The following CSMD3 variants were observed in gnomAD, a reference collection of about 807,000 sequenced individuals.
The protein encoded by CSMD3 is CUB and sushi domain-containing protein 3.
A neutral mutation model predicts 435.2 loss-of-function variants in CSMD3; 177 were observed. The observed-to-expected ratio is 0.41, with a 90% CI of 0.36 to 0.46. CSMD3 has a LOEUF of 0.46. Among genes scored for constraint, CSMD3 ranks in the 20% least tolerant of loss-of-function variants. CSMD3 has a pLI of 0.34. For synonymous variants in CSMD3, 1,656 were observed against 1,520.5 expected, an observed-to-expected ratio of 1.09 and a Z score of -2.07; for missense variants, 4,265 against 4,504.6, an observed-to-expected ratio of 0.95 and a Z score of 1.52.
intron 32 of CSMD3, among the ~76,000 whole-genome samples, chr8:112,464,013 G>A (rs1439994405): frequency 6.6e-6 from 1 of 152,144 alleles, no homozygotes; most frequent in Non-Finnish European, 1.5e-5. Flanking sequence ...GAGGCGGGCA[G>A]ATCACGAGGT....
intron 10 of CSMD3, among the ~76,000 whole-genome samples, chr8:112,905,329 C>A (rs1399740919): frequency 6.6e-6 from 1 of 150,654 alleles, no homozygotes; most frequent in East Asian, 2.0e-4. Context: ...TATACACACA[C>A]ACACACACAC....
At chr8:113,078,992 A>G (rs1013255794) in intron 5 of CSMD3, among the ~76,000 whole-genome samples, 1 of 152,206 alleles carries the variant, frequency 6.6e-6, no homozygotes, top group Non-Finnish European at 1.5e-5. Context: ...ACCTGTTTAA[A>G]AAAAAGATGT....
intron 5 of CSMD3, among the ~76,000 whole-genome samples, chr8:113,077,381 A>T (rs1358657095): frequency 2.0e-5 from 3 of 152,114 alleles, no homozygotes; most frequent in African/African-American, 7.2e-5. Context: ...AAACAGTTAT[A>T]AAAAAACCAT....
At chr8:112,843,307 T>C (rs1423079997) in intron 11 of CSMD3, among the ~76,000 whole-genome samples, 2 of 151,896 alleles carry the variant, frequency 1.3e-5, no homozygotes, top group South Asian at 2.1e-4. Context: ...TAGATGCTCA[T>C]AAAAGAGGCA....
At chr8:113,377,128 G>A (rs2094390480) in intron 1 of CSMD3, 2 of 1,259,024 alleles carry the variant, frequency 1.6e-6, no homozygotes, top group Non-Finnish European at 1.0e-6. Flanking sequence ...CCGGCTCTCC[G>A]GTCCTCCAAA....
At chr8:113,396,704 G>A (rs532309008) in intron 1 of CSMD3, among the ~76,000 whole-genome samples, 60 of 152,192 alleles carry the variant, frequency 3.9e-4, no homozygotes, top group African/African-American at 1.4e-3. Flanking sequence ...AATATCCAAA[G>A]AAATAGTCTC....
intron 35 of CSMD3, among the ~76,000 whole-genome samples, chr8:112,401,200 T>C (rs1474468910): frequency 6.6e-6 from 1 of 152,078 alleles, no homozygotes; most frequent in Non-Finnish European, 1.5e-5. Flanking sequence ...AAGACTCCAT[T>C]TCAAAAAGAA....
At chr8:113,233,815 C>T (rs1217170270) in intron 3 of CSMD3, among the ~76,000 whole-genome samples, 1 of 152,032 alleles carries the variant, frequency 6.6e-6, no homozygotes, top group Non-Finnish European at 1.5e-5. Flanking sequence ...TAAGATTTTA[C>T]TCTACTTTTA....
rs1247480496 is a variant in CSMD3, at chr8:113,013,391, GTTA to G, written c.1030+5673_1030+5675del. Reference sequence around the variant, plus strand: ...GTGTGCTTTCTCATCTGTTCCATATGTTATTATCTCTTTCCAGTGAAGACTCTT... The same window carrying G: ...GTGTGCTTTCTCATCTGTTCCATATGTTATCTCTTTCCAGTGAAGACTCTT... On this transcript the variant is annotated intron_variant, in intron 6 of 70. Coordinates refer to ENST00000297405, the MANE Select transcript of CSMD3 (RefSeq NM_198123.2). Among the ~76,000 whole-genome samples, 6 of 152,056 alleles carry G rather than the reference GTTA, an allele frequency of 3.9e-5. No individual in the cohort carries two copies. The South Asian group carries it at 1.0e-3, about 26-fold the overall frequency.
intron 24 of CSMD3, among the ~76,000 whole-genome samples, 164 bp from the exon 25 acceptor site, chr8:112,557,118 CTTT>C (rs933475146): frequency 1.3e-5 from 2 of 150,698 alleles, no homozygotes; most frequent in Non-Finnish European, 3.0e-5. Flanking sequence ...CCATGCAGAC[CTTT>C]TTTTTTCTTG....
intron 3 of CSMD3, among the ~76,000 whole-genome samples, chr8:113,187,792 C>T (rs186473419): frequency 1.6e-4 from 24 of 152,066 alleles, no homozygotes; most frequent in African/African-American, 5.5e-4. Flanking sequence ...AACTGTCCTA[C>T]ACAATTCTTC....
At chr8:112,273,536 T>G (rs191014436) in intron 59 of CSMD3, among the ~76,000 whole-genome samples, 1 of 151,786 alleles carries the variant, frequency 6.6e-6, no homozygotes, top group African/African-American at 2.4e-5. Context: ...CCATCCTGGA[T>G]AACACGGTGA....
chr8:113,083,875 G>C (rs11997685), intron 5 of CSMD3, among the ~76,000 whole-genome samples: 69,149 of 151,888 alleles, frequency 0.46, 17,694 homozygotes, highest in East Asian at 0.86. Flanking sequence ...TCAGAAGGCT[G>C]ATACAGGAGA....
chr8:112,230,327 G>A (rs934409386), intron 69 of CSMD3, among the ~76,000 whole-genome samples: 1 of 152,016 alleles, frequency 6.6e-6, no homozygotes, highest in African/African-American at 2.4e-5. Context: ...TGATGTAAAT[G>A]GCATCTTATT....
At chr8:112,771,309 G>A (rs1419851736) in intron 13 of CSMD3, among the ~76,000 whole-genome samples, 9 of 152,110 alleles carry the variant, frequency 5.9e-5, no homozygotes, top group African/African-American at 9.6e-5. Context: ...GGAGGTCAAG[G>A]TGGGCATTCA....
intron 3 of CSMD3, among the ~76,000 whole-genome samples, chr8:113,260,110 C>A (rs564412651): frequency 1.3e-5 from 2 of 152,124 alleles, no homozygotes; most frequent in Non-Finnish European, 2.9e-5. Context: ...CCCTCCCTAG[C>A]CCTGTGGAAC....
intron 5 of CSMD3, among the ~76,000 whole-genome samples, chr8:113,085,194 C>T (rs1395624588): frequency 1.3e-5 from 2 of 151,124 alleles, no homozygotes; most frequent in African/African-American, 2.4e-5. Context: ...TATTTATCCA[C>T]AAAGGACTAA....
chr8:112,394,443 T>C (rs1051203969), intron 35 of CSMD3, among the ~76,000 whole-genome samples: 2 of 152,192 alleles, frequency 1.3e-5, no homozygotes, highest in Non-Finnish European at 2.9e-5. Context: ...TATATTCCCA[T>C]ACTAGTTAGG....
chr8:112,929,256 T>C (rs1463622711), intron 9 of CSMD3, among the ~76,000 whole-genome samples: 5 of 144,756 alleles, frequency 3.5e-5, no homozygotes, highest in Non-Finnish European at 7.6e-5. Flanking sequence ...AGGGATAGCA[T>C]TGGGAGATAT....
Sources: allele counts gnomAD v4.1 joint callset (sites outside exome capture counted in the v4.1 genomes callset), GRCh38; gene constraint gnomAD v4.1.1; transcripts MANE v1.5; gene names NCBI Gene and HGNC (gene_info 2026-07-23, HGNC 2026-07-21).